The following DLG2 variants were observed in gnomAD, a reference collection of about 807,000 sequenced individuals.
DLG2 encodes the protein disks large homolog 2.
DLG2 carries 45 observed loss-of-function variants against 132.5 expected under a neutral mutation model. The ratio of observed to expected loss-of-function variants is 0.34; its 90% CI spans 0.27 to 0.44. DLG2 has a LOEUF of 0.44. Among genes scored for constraint, DLG2 ranks in the 20% least tolerant of loss-of-function variants. The probability of loss-of-function intolerance (pLI) is 1.00; values close to 1 mark genes in which losing one functional copy is unlikely to be tolerated. For synonymous variants in DLG2, 424 were observed against 419.6 expected (o/e 1.01, Z -0.13); for missense variants, 1,045 against 1,196.9 (o/e 0.87, Z 1.87).
chr11:84,715,491 C>T (rs919564679), intron 6 of DLG2, among the ~76,000 whole-genome samples: 6 of 152,086 alleles, frequency 3.9e-5, no homozygotes, highest in African/African-American at 1.4e-4. Flanking sequence ...TTATTCATTC[C>T]ACATAACCGC....
At chr11:84,063,665 T>C (rs2096626350) in intron 10 of DLG2, among the ~76,000 whole-genome samples, 1 of 152,140 alleles carries the variant, frequency 6.6e-6, no homozygotes, top group Admixed American at 6.5e-5. Flanking sequence ...CATGCACACG[T>C]ATGTTTATTG....
At chr11:83,674,831 TTC>T (rs766631576) in intron 18 of DLG2, among the ~76,000 whole-genome samples, 4 of 152,212 alleles carry the variant, frequency 2.6e-5, no homozygotes, top group African/African-American at 4.8e-5. Flanking sequence ...TATACTTTGA[TTC>T]TGTTTATTGC....
At chr11:83,811,619 T>C (rs2047314887) in intron 17 of DLG2, among the ~76,000 whole-genome samples, 1 of 152,188 alleles carries the variant, frequency 6.6e-6, no homozygotes, top group Non-Finnish European at 1.5e-5. Context: ...AAAATAAATC[T>C]TCCTGGTTCT....
intron 21 of DLG2, among the ~76,000 whole-genome samples, chr11:83,530,885 T>G (rs140695576): frequency 1.6e-4 from 25 of 152,122 alleles, no homozygotes; most frequent in African/African-American, 5.8e-4. Context: ...GGATATAAGA[T>G]TGGTCTATAA....
In DLG2 at chr11:83,713,745, C is replaced by T. The variant is rs547337594; in HGVS notation, c.1825+72945G>A. Reference sequence around the variant, plus strand: ...AAAGTACTTTAGAAAACTCTCTTCACACTACTGCACTGTGGCAATTGCACC... The same window carrying T: ...AAAGTACTTTAGAAAACTCTCTTCATACTACTGCACTGTGGCAATTGCACC... On this transcript the variant is annotated intron_variant, in intron 18 of 27. Transcript: ENST00000376104. 2.6e-5 allele frequency among the ~76,000 whole-genome samples: 4 copies of T among 152,312 alleles called. No homozygotes were observed. In the East Asian group the frequency reaches 7.7e-4, roughly 29 times the overall value.
At chr11:84,833,817 A>G (rs988396377) in intron 6 of DLG2, among the ~76,000 whole-genome samples, 12 of 151,662 alleles carry the variant, frequency 7.9e-5, no homozygotes, top group African/African-American at 2.4e-4. Context: ...CACAGAACAG[A>G]CTTCAGATTT....
At chr11:84,358,349 C>G (rs969018395) in intron 7 of DLG2, among the ~76,000 whole-genome samples, 1 of 149,254 alleles carries the variant, frequency 6.7e-6, no homozygotes, top group African/African-American at 2.5e-5. Context: ...CTTCATCAAA[C>G]AGCAAGTCCC....
intron 18 of DLG2, among the ~76,000 whole-genome samples, chr11:83,663,706 T>TA (rs1429340801): frequency 1.3e-5 from 2 of 152,188 alleles, no homozygotes; most frequent in African/African-American, 4.8e-5. Flanking sequence ...GGGTTGGTAA[T>TA]ACTATTATCC....
intron 7 of DLG2, among the ~76,000 whole-genome samples, chr11:84,435,342 A>G (rs1048206265): frequency 6.6e-6 from 1 of 152,344 alleles, no homozygotes; most frequent in Admixed American, 6.5e-5. Flanking sequence ...AACTATTTCC[A>G]TTCACCAGGC....
chr11:85,212,119 C>T (rs1383493960), intron 4 of DLG2, among the ~76,000 whole-genome samples: 2 of 152,050 alleles, frequency 1.3e-5, no homozygotes, highest in Admixed American at 1.3e-4. Context: ...TCCCCTATAT[C>T]CATTCATGAT....
intron 14 of DLG2, among the ~76,000 whole-genome samples, chr11:83,947,565 T>C (rs1441096324): frequency 1.3e-5 from 2 of 152,212 alleles, no homozygotes; most frequent in South Asian, 2.1e-4. Context: ...AGTCCTATAA[T>C]GACTATGGTT....
intron 19 of DLG2, among the ~76,000 whole-genome samples, chr11:83,574,557 G>A (rs1054399524): frequency 5.3e-5 from 8 of 151,894 alleles, no homozygotes; most frequent in African/African-American, 1.2e-4. Context: ...GTTTTCTGAC[G>A]GCCTCTATAC....
intron 7 of DLG2, among the ~76,000 whole-genome samples, chr11:84,277,804 T>A (rs893887819): frequency 6.6e-6 from 1 of 152,152 alleles, no homozygotes; most frequent in African/African-American, 2.4e-5. Context: ...CTAGCAAGAC[T>A]GATTAGGAGA....
At chr11:84,296,859 A>G (rs1318886870) in intron 7 of DLG2, among the ~76,000 whole-genome samples, 1 of 152,210 alleles carries the variant, frequency 6.6e-6, no homozygotes, top group African/African-American at 2.4e-5. Flanking sequence ...CTTTTTAGCA[A>G]CTTTCCAAAG....
intron 3 of DLG2, among the ~76,000 whole-genome samples, chr11:85,553,818 C>T (rs2076797195): frequency 6.6e-6 from 1 of 151,086 alleles, no homozygotes; most frequent in African/African-American, 2.4e-5. Context: ...TTAAGAATTA[C>T]ATTAAATTTC....
chr11:85,509,222 C>A (rs889972242), intron 3 of DLG2, among the ~76,000 whole-genome samples: 1 of 152,012 alleles, frequency 6.6e-6, no homozygotes, highest in Non-Finnish European at 1.5e-5. Flanking sequence ...AGAAATAAAT[C>A]TAACAGAAAC....
At chr11:83,471,847 C>T in intron 23 of DLG2, 120 bp from the exon 24 acceptor site, 1 of 755,734 alleles carries the variant, frequency 1.3e-6, no homozygotes, top group East Asian at 2.7e-5. Flanking sequence ...CATTACTTCA[C>T]TGGATAAATT....
chr11:85,085,095 T>C (rs982956305), intron 6 of DLG2, among the ~76,000 whole-genome samples: 14 of 152,152 alleles, frequency 9.2e-5, no homozygotes, highest in Non-Finnish European at 1.9e-4. Flanking sequence ...ATCATGCTTA[T>C]ACACAATTTC....
chr11:84,501,038 A>C (rs181596068), intron 7 of DLG2, among the ~76,000 whole-genome samples: 2 of 152,262 alleles, frequency 1.3e-5, no homozygotes, highest in Admixed American at 1.3e-4. Context: ...CACATACCCC[A>C]TCCCCTGAAC....
Sources: gnomAD v4.1 joint callset for allele counts (sites outside exome capture counted in the v4.1 genomes callset) on GRCh38, gnomAD v4.1.1 for gene constraint, MANE v1.5 for transcripts, NCBI Gene and HGNC (gene_info 2026-07-23, HGNC 2026-07-21) for gene names.